KLHL32: variants seen among roughly 807,000 people sequenced by gnomAD.
KLHL32 encodes kelch-like protein 32.
Under a neutral mutation model 64.8 loss-of-function variants are expected in KLHL32, and 35 were observed. The ratio of observed to expected loss-of-function variants is 0.54; its 90% CI spans 0.41 to 0.72. The LOEUF is 0.72. Among genes scored for constraint, KLHL32 ranks in the 30% least tolerant of loss-of-function variants. KLHL32 has a pLI of 0.00. For missense variants in KLHL32, 589 were observed against 768.5 expected (o/e 0.77, Z 2.76); for synonymous variants, 259 against 281.0 (o/e 0.92, Z 0.78).
chr6:97,062,803 G>A (rs1378903139), intron 4 of KLHL32, among the ~76,000 whole-genome samples: 3 of 152,220 alleles, frequency 2.0e-5, no homozygotes, highest in African/African-American at 7.2e-5. Flanking sequence ...GATATATAAT[G>A]TGAGGTGGTA....
intron 6 of KLHL32, among the ~76,000 whole-genome samples, chr6:97,111,892 A>T (rs1235833073): frequency 6.6e-6 from 1 of 152,124 alleles, no homozygotes; most frequent in Non-Finnish European, 1.5e-5. Flanking sequence ...CTCTGAAGCT[A>T]TGCTGTCAAG....
the KLHL32 span, among the ~76,000 whole-genome samples, chr6:96,915,821 A>C: frequency 1.3e-5 from 2 of 152,170 alleles, no homozygotes; most frequent in African/African-American, 4.8e-5. Flanking sequence ...GATTATTTTG[A>C]GCTTAAGGCA....
intron 1 of KLHL32, among the ~76,000 whole-genome samples, chr6:96,941,914 G>A (rs1018105277): frequency 1.3e-5 from 2 of 152,136 alleles, no homozygotes; most frequent in Admixed American, 1.3e-4. Context: ...AACTTTTTGA[G>A]AATCAAATAA....
At chr6:97,082,550 T>C (rs548688618) in intron 5 of KLHL32, among the ~76,000 whole-genome samples, 2 of 151,708 alleles carry the variant, frequency 1.3e-5, no homozygotes, top group South Asian at 4.2e-4. Flanking sequence ...GAGGCGGAGC[T>C]TGCACTGAGC....
intron 4 of KLHL32, among the ~76,000 whole-genome samples, chr6:97,051,787 T>C (rs759688132): frequency 3.3e-5 from 5 of 152,178 alleles, no homozygotes; most frequent in Non-Finnish European, 7.3e-5. Context: ...GTTCCTTAAA[T>C]TTCATAAGAA....
intron 3 of KLHL32, among the ~76,000 whole-genome samples, chr6:96,977,354 G>T (rs1562208178): frequency 6.6e-6 from 1 of 152,176 alleles, no homozygotes; most frequent in Admixed American, 6.5e-5. Flanking sequence ...GACTCTTAAC[G>T]AGTGTGATAG....
chr6:97,081,551 C>G (rs1792524336), intron 5 of KLHL32, among the ~76,000 whole-genome samples: 1 of 152,222 alleles, frequency 6.6e-6, no homozygotes, highest in African/African-American at 2.4e-5. Context: ...CCATCCCACC[C>G]TTTGCCAAGT....
chr6:96,906,172 T>C, the KLHL32 span, among the ~76,000 whole-genome samples: 3 of 152,200 alleles, frequency 2.0e-5, no homozygotes, highest in Non-Finnish European at 2.9e-5. Flanking sequence ...CAGAAGTCTA[T>C]GACCCCCAAT....
At chr6:96,911,824 CTTTTTTTT>C in the KLHL32 span, among the ~76,000 whole-genome samples, 139 of 54,068 alleles carry the variant, frequency 2.6e-3, 1 homozygote, top group South Asian at 0.01. Context: ...CTCGGTCCTT[CTTTTTTTT>C]TTTTTTTTTT....
At chr6:96,960,236 A>C (rs1050598422) in intron 1 of KLHL32, among the ~76,000 whole-genome samples, 7 of 152,284 alleles carry the variant, frequency 4.6e-5, no homozygotes, top group African/African-American at 1.7e-4. Flanking sequence ...AAAGGCCTGC[A>C]CTGCCACTCA....
intron 3 of KLHL32, among the ~76,000 whole-genome samples, chr6:97,014,885 C>A (rs1267723476): frequency 6.6e-6 from 1 of 152,132 alleles, no homozygotes; most frequent in African/African-American, 2.4e-5. Context: ...GTGTCCCCAC[C>A]CAAATCTCAT....
At chr6:97,117,297 A>G (rs1206147) in intron 7 of KLHL32, among the ~76,000 whole-genome samples, 87,457 of 152,046 alleles carry the variant, frequency 0.58, 26,787 homozygotes, top group African/African-American at 0.8. Flanking sequence ...AATTGATGGG[A>G]ATTGAATCAT....
intron 3 of KLHL32, among the ~76,000 whole-genome samples, chr6:97,004,474 C>T (rs949594644): frequency 1.4e-4 from 22 of 152,142 alleles, no homozygotes; most frequent in Non-Finnish European, 1.9e-4. Flanking sequence ...TCATTTCTTT[C>T]TATTTCCTGA....
chr6:97,093,235 G>A (rs1320877395), intron 6 of KLHL32, among the ~76,000 whole-genome samples: 1 of 152,180 alleles, frequency 6.6e-6, no homozygotes, highest in East Asian at 1.9e-4. Context: ...CCTGAGGCTA[G>A]CGTAGAAGTC....
chr6:96,975,545 G>A (rs1421108358), intron 2 of KLHL32, among the ~76,000 whole-genome samples: 2 of 152,166 alleles, frequency 1.3e-5, no homozygotes, highest in Non-Finnish European at 2.9e-5. Flanking sequence ...ACATGGTAAG[G>A]TACAAAGGTG....
chr6:97,133,696 T>C (rs1423973730), intron 10 of KLHL32, among the ~76,000 whole-genome samples: 1 of 152,232 alleles, frequency 6.6e-6, no homozygotes, highest in African/African-American at 2.4e-5. Context: ...TATTGTCTCT[T>C]CTTCTCTTGA....
chr6:96,918,240 G>A, the KLHL32 span, among the ~76,000 whole-genome samples: 1 of 152,292 alleles, frequency 6.6e-6, no homozygotes, highest in Non-Finnish European at 1.5e-5. Context: ...AGTTAACAGA[G>A]CTCATAGGTA....
At chr6:97,012,033 C>CT (rs2128093458) in intron 3 of KLHL32, among the ~76,000 whole-genome samples, 1 of 152,326 alleles carries the variant, frequency 6.6e-6, no homozygotes, top group African/African-American at 2.4e-5. Context: ...AATCACGTAA[C>CT]TGCTGAATGC....
intron 1 of KLHL32, among the ~76,000 whole-genome samples, chr6:96,931,042 A>G (rs982264819): frequency 5.9e-5 from 9 of 152,308 alleles, no homozygotes; most frequent in African/African-American, 2.2e-4. Context: ...TTTCTTGACA[A>G]CTAGAAGTTT....
Sources: allele counts gnomAD v4.1 joint callset (sites outside exome capture counted in the v4.1 genomes callset), GRCh38; gene constraint gnomAD v4.1.1; transcripts MANE v1.5; gene names NCBI Gene and HGNC (gene_info 2026-07-23, HGNC 2026-07-21).